ZFHX3: variants seen among roughly 807,000 people sequenced by gnomAD.
The protein encoded by ZFHX3 is zinc finger homeobox 3.
Under a neutral mutation model 279.1 loss-of-function variants are expected in ZFHX3, and 42 were observed. The ratio of observed to expected loss-of-function variants is 0.15; its 90% CI spans 0.12 to 0.19. The LOEUF (loss-of-function observed/expected upper bound fraction) is 0.19, where lower values mean the gene tolerates loss of function less well. Among genes scored for constraint, ZFHX3 ranks in the 10% least tolerant of loss-of-function variants. The pLI is 1.00. For missense variants in ZFHX3, 4,981 were observed against 4,754.0 expected (o/e 1.05, Z -1.40); for synonymous variants, 2,293 against 1,957.8 (o/e 1.17, Z -4.52).
intron 1 of ZFHX3, among the ~76,000 whole-genome samples, chr16:73,851,991 A>G (rs1358433441): frequency 6.6e-6 from 1 of 152,224 alleles, no homozygotes; most frequent in Non-Finnish European, 1.5e-5. Flanking sequence ...CTTACCGTGA[A>G]GAACTGTCTC....
intron 2 of ZFHX3, among the ~76,000 whole-genome samples, chr16:73,614,556 T>C (rs751156615): frequency 8.5e-5 from 13 of 152,168 alleles, no homozygotes; most frequent in African/African-American, 1.2e-4. Flanking sequence ...GGAATACATG[T>C]CTTCACTTTT....
intron 2 of ZFHX3, among the ~76,000 whole-genome samples, chr16:73,563,759 C>G (rs1226425668): frequency 6.6e-6 from 1 of 152,070 alleles, no homozygotes; most frequent in East Asian, 1.9e-4. Context: ...ATGCTCCTAG[C>G]CTTGCGTTCT....
intron 4 of ZFHX3, among the ~76,000 whole-genome samples, chr16:72,858,968 CA>C (rs2037817864): frequency 6.6e-6 from 1 of 152,238 alleles, no homozygotes; most frequent in African/African-American, 2.4e-5. Flanking sequence ...CTGCTTCTCA[CA>C]ATCAGATCCT....
At chr16:72,859,901 C>T (rs1373129975) in intron 4 of ZFHX3, among the ~76,000 whole-genome samples, 1 of 152,146 alleles carries the variant, frequency 6.6e-6, no homozygotes, top group Non-Finnish European at 1.5e-5. Context: ...CTGATAGAAG[C>T]CCCCAGGCCG....
intron 3 of ZFHX3, among the ~76,000 whole-genome samples, chr16:73,441,027 C>G (rs188866189): frequency 6.2e-4 from 95 of 152,064 alleles, no homozygotes; most frequent in African/African-American, 2.2e-3. Flanking sequence ...GTTTGGCATG[C>G]CCTGATTTCT....
chr16:73,020,804 G>T (rs910468292), intron 1 of ZFHX3, among the ~76,000 whole-genome samples: 1 of 152,130 alleles, frequency 6.6e-6, no homozygotes, highest in African/African-American at 2.4e-5. Context: ...TTCAAATCTG[G>T]CTGAACTGAG....
At chr16:73,236,890 C>A (rs1189996110) in intron 5 of ZFHX3, among the ~76,000 whole-genome samples, 5 of 152,144 alleles carry the variant, frequency 3.3e-5, no homozygotes, top group Admixed American at 2.0e-4. Flanking sequence ...CACGCGGTAC[C>A]TGAGATAACT....
At chr16:73,621,303 T>A (rs921196451) in intron 2 of ZFHX3, among the ~76,000 whole-genome samples, 10 of 152,212 alleles carry the variant, frequency 6.6e-5, no homozygotes, top group African/African-American at 2.4e-4. Flanking sequence ...GATAAAATGC[T>A]GTTGGATAAA....
At chr16:72,894,327 G>A (rs1394236845) in intron 3 of ZFHX3, among the ~76,000 whole-genome samples, 2 of 152,110 alleles carry the variant, frequency 1.3e-5, no homozygotes, top group Non-Finnish European at 2.9e-5. Context: ...TTGTCCAACT[G>A]GAAGTAAACA....
chr16:72,926,070 T>A (rs1959433547), intron 3 of ZFHX3, among the ~76,000 whole-genome samples: 1 of 152,246 alleles, frequency 6.6e-6, no homozygotes, highest in Admixed American at 6.5e-5. Flanking sequence ...CAGGCCTCCC[T>A]TTTTATCTTG....
At chr16:73,179,479 G>A (rs1207172073) in intron 5 of ZFHX3, among the ~76,000 whole-genome samples, 1 of 152,070 alleles carries the variant, frequency 6.6e-6, no homozygotes, top group Non-Finnish European at 1.5e-5. Flanking sequence ...CCCAAAGAAT[G>A]TTACAAATTT....
intron 3 of ZFHX3, among the ~76,000 whole-genome samples, chr16:73,336,021 G>A (rs988080444): frequency 5.3e-5 from 8 of 152,144 alleles, no homozygotes; most frequent in South Asian, 4.1e-4. Context: ...AGCAGTGCAC[G>A]TGTTCTAAGT....
At chr16:72,972,232 CTGAG>C (rs1962137062) in intron 1 of ZFHX3, among the ~76,000 whole-genome samples, 1 of 152,096 alleles carries the variant, frequency 6.6e-6, no homozygotes, top group Non-Finnish European at 1.5e-5. Flanking sequence ...TTGTCCTTTT[CTGAG>C]TGAGTAATGA....
chr16:72,803,571 A>C (rs1393969769), intron 7 of ZFHX3, among the ~76,000 whole-genome samples: 2 of 152,180 alleles, frequency 1.3e-5, no homozygotes, highest in Non-Finnish European at 2.9e-5. Flanking sequence ...CTCTGGCCGC[A>C]ATCCTACAAT....
intron 1 of ZFHX3, among the ~76,000 whole-genome samples, chr16:73,019,356 G>C (rs1329803985): frequency 6.6e-6 from 1 of 152,046 alleles, no homozygotes; most frequent in Non-Finnish European, 1.5e-5. Flanking sequence ...GTGTGTGTGT[G>C]TGTGTGTGTG....
chr16:72,930,564 G>A (rs1216660328), intron 3 of ZFHX3, among the ~76,000 whole-genome samples: 1 of 152,100 alleles, frequency 6.6e-6, no homozygotes, highest in Non-Finnish European at 1.5e-5. Context: ...ATAATGGCAA[G>A]GATGCTTCAG....
chr16:73,821,314 C>A (rs74028502), intron 1 of ZFHX3, among the ~76,000 whole-genome samples: 43 of 152,276 alleles, frequency 2.8e-4, no homozygotes, highest in African/African-American at 1.0e-3. Context: ...GGAATGTGGT[C>A]GGCAGCACAC....
intron 1 of ZFHX3, among the ~76,000 whole-genome samples, chr16:73,771,374 C>T (rs2054015880): frequency 6.6e-6 from 1 of 152,274 alleles, no homozygotes; most frequent in Admixed American, 6.5e-5. Context: ...CTAACTCCCA[C>T]AGCAGAGCTG....
intron 3 of ZFHX3, among the ~76,000 whole-genome samples, chr16:73,320,132 A>C (rs2015545984): frequency 6.6e-6 from 1 of 152,222 alleles, no homozygotes; most frequent in Non-Finnish European, 1.5e-5. Context: ...CACTATGAAA[A>C]GAAAGACCCT....
Sources: gnomAD v4.1 joint callset for allele counts (sites outside exome capture counted in the v4.1 genomes callset) on GRCh38, gnomAD v4.1.1 for gene constraint, MANE v1.5 for transcripts, NCBI Gene and HGNC (gene_info 2026-07-23, HGNC 2026-07-21) for gene names.